Variants in UBAP1 observed in about 807,000 individuals in gnomAD.
UBAP1 encodes the protein ubiquitin associated protein 1, also known as ubiquitin-associated protein 1.
Under a neutral mutation model 39.0 loss-of-function variants are expected in UBAP1, and 5 were observed. The ratio of observed to expected loss-of-function variants is 0.13; its 90% confidence interval spans 0.07 to 0.27. The LOEUF (loss-of-function observed/expected upper bound fraction) is 0.27, where lower values mean the gene tolerates loss of function less well. Ranked by LOEUF, UBAP1 falls within the 10% of genes least tolerant of loss-of-function variation. UBAP1 has a pLI of 1.00. For missense variants in UBAP1, 490 were observed against 608.1 expected, an observed-to-expected ratio of 0.81 and a Z score of 2.04; for synonymous variants, 211 against 225.1, an observed-to-expected ratio of 0.94 and a Z score of 0.56.
rs1419110013 is a variant in UBAP1, at chr9:34,251,968, T to G, written c.*436T>G. The G allele has an allele frequency of 6.2e-6, 1 of 160,064 alleles. No individual in the cohort carries two copies. The highest frequency in any genetic ancestry group is 2.4e-5 in the African/African-American group (1 of 41,686). The allele number at this position is 160,064 out of a possible 1,614,324, so 9.9% of individuals were successfully genotyped here. A position where few individuals can be genotyped will look rare whatever the true frequency, so the allele number is the denominator to read the frequency against. ...CTGAGACTGGTGGACTGAACTCCAGTCAAGTTGAGTTCAAGTGAAAGATTC... is the reference window on the plus strand; with the variant it reads ...CTGAGACTGGTGGACTGAACTCCAGGCAAGTTGAGTTCAAGTGAAAGATTC... On this transcript the variant is annotated 3_prime_UTR_variant, in exon 7 of 7. Transcript: ENST00000297661.
intron 3 of UBAP1, among the ~76,000 whole-genome samples, chr9:34,239,003 A>G (rs1417501459): frequency 6.6e-6 from 1 of 152,240 alleles, no homozygotes; most frequent in Non-Finnish European, 1.5e-5. Context: ...TAAGAGCTCC[A>G]TTCCAATGTG....
intron 2 of UBAP1, chr9:34,224,516 A>G (rs756492536): frequency 3.5e-5 from 14 of 402,568 alleles, no homozygotes; most frequent in East Asian, 4.6e-5. Context: ...GCAGGGGCCA[A>G]TGTTGGTGTT....
chr9:34,192,706 C>G (rs950623538), intron 1 of UBAP1, among the ~76,000 whole-genome samples: 1 of 152,016 alleles, frequency 6.6e-6, no homozygotes, highest in East Asian at 1.9e-4. Flanking sequence ...TCCCAAAGTG[C>G]TGGGATTATA....
rs1007728786 is a variant in UBAP1 at position 34,221,057 on chromosome 9, C to T, written c.34+109C>T. On this transcript the variant is annotated intron_variant, in intron 2 of 6. Transcript: ENST00000297661. ...GCCCCTTTTTGTCTCTTTTAATGAA[C>T]AGCTTGACAAAAATAAAGTTGTACA... 1.2e-5 allele frequency: 11 copies of T among 926,616 alleles called. No individual in the cohort carries two copies. In the African/African-American group the frequency reaches 1.5e-4, roughly 13 times the overall value. The allele number at this position is 926,616 out of a possible 1,614,324, so 57.4% of individuals were successfully genotyped here.
intron 1 of UBAP1, among the ~76,000 whole-genome samples, chr9:34,210,492 GT>G (rs1351026166): frequency 6.6e-6 from 1 of 152,192 alleles, no homozygotes; most frequent in African/African-American, 2.4e-5. Flanking sequence ...GCCAAGATGG[GT>G]GGATCACCTG....
chr9:34,221,528 A>T (rs1285384673), intron 2 of UBAP1, among the ~76,000 whole-genome samples: 2 of 81,162 alleles, frequency 2.5e-5, no homozygotes, highest in African/African-American at 7.4e-5. Flanking sequence ...AGACTCCATT[A>T]AAAAAAAAAA....
chr9:34,209,941 T>C (rs1176462935), intron 1 of UBAP1, among the ~76,000 whole-genome samples: 1 of 152,194 alleles, frequency 6.6e-6, no homozygotes, highest in Non-Finnish European at 1.5e-5. Context: ...AAAAATATCT[T>C]ATCCTTATTT....
chr9:34,203,005 C>A (rs755128098), intron 1 of UBAP1, among the ~76,000 whole-genome samples: 7 of 152,022 alleles, frequency 4.6e-5, no homozygotes, highest in Non-Finnish European at 7.4e-5. Context: ...TCCTTAAGAT[C>A]TTTTTCAGTC....
chr9:34,230,884 A>G (rs536076828), intron 2 of UBAP1, among the ~76,000 whole-genome samples: 1 of 152,130 alleles, frequency 6.6e-6, no homozygotes, highest in Non-Finnish European at 1.5e-5. Flanking sequence ...TTTCATATTA[A>G]ATATAAGTTG....
intron 1 of UBAP1, among the ~76,000 whole-genome samples, chr9:34,182,573 A>G (rs916784209): frequency 2.0e-5 from 3 of 152,010 alleles, no homozygotes; most frequent in African/African-American, 7.2e-5. Flanking sequence ...GTAAATGCCA[A>G]TATTACAAGC....
chr9:34,190,636 T>TC (rs1018913163), intron 1 of UBAP1, among the ~76,000 whole-genome samples: 1 of 146,832 alleles, frequency 6.8e-6, no homozygotes, highest in African/African-American at 2.5e-5. Flanking sequence ...TTTCTTTCTT[T>TC]TTTTTTTTTT....
At chr9:34,227,367 T>C (rs1397932928) in intron 2 of UBAP1, among the ~76,000 whole-genome samples, 1 of 152,204 alleles carries the variant, frequency 6.6e-6, no homozygotes, top group Admixed American at 6.5e-5. Flanking sequence ...AAGATGGTGA[T>C]AACCAGTCAT....
intron 1 of UBAP1, among the ~76,000 whole-genome samples, chr9:34,218,754 CA>C (rs1832489460): frequency 6.6e-6 from 1 of 151,982 alleles, no homozygotes; most frequent in East Asian, 1.9e-4. Flanking sequence ...TCCAACATGG[CA>C]AAACCCCGTT....
At chr9:34,223,742 A>G (rs1317139674) in intron 2 of UBAP1, among the ~76,000 whole-genome samples, 1 of 152,204 alleles carries the variant, frequency 6.6e-6, no homozygotes, top group Non-Finnish European at 1.5e-5. Flanking sequence ...GGCGTGAGCC[A>G]CCGTGCCCGG....
At position 34,181,116 on chromosome 9, in the gene UBAP1, C is replaced by CTTTCTTTTTTTTTTTTTTT. The variant is rs1193356334; in HGVS notation, c.-8+1879_-8+1880insCTTTTTTTTTTTTTTTTTT. Among the ~76,000 whole-genome samples, 12 of 72,274 alleles carry CTTTCTTTTTTTTTTTTTTT rather than the reference C, an allele frequency of 1.7e-4. 3 individuals carry two copies. Among genetic ancestry groups the CTTTCTTTTTTTTTTTTTTT allele is most frequent in the African/African-American group, 2.1e-4 (4 of 18,978 alleles). The allele number at this position is 72,274 out of a possible 152,430, so 47.4% of individuals were successfully genotyped here. ...TGAGCCACCGCACCCGGCCTGTTTT[C>CTTTCTTTTTTTTTTTTTTT]TTTTTTTTTTTTTTTTTGAGACAGA... On this transcript the variant is annotated intron_variant, in intron 1 of 6. Coordinates refer to ENST00000297661, the MANE Select transcript of UBAP1 (RefSeq NM_016525.5).
chr9:34,223,905 TG>T (rs1214491604), intron 2 of UBAP1: 4 of 268,186 alleles, frequency 1.5e-5, no homozygotes, highest in East Asian at 7.0e-5. Flanking sequence ...TTTTTGTTTT[TG>T]TTTTTTTGTT....
intron 2 of UBAP1, among the ~76,000 whole-genome samples, chr9:34,227,274 G>C (rs1380680626): frequency 6.6e-6 from 1 of 151,950 alleles, no homozygotes; most frequent in Non-Finnish European, 1.5e-5. Flanking sequence ...TACCTGGCTT[G>C]TGGCTTTAAG....
chr9:34,249,195 G>A (rs759183183), intron 4 of UBAP1, among the ~76,000 whole-genome samples: 1 of 152,132 alleles, frequency 6.6e-6, no homozygotes, highest in Non-Finnish European at 1.5e-5. Context: ...AGTACATGAT[G>A]TAGGGCAAAG....
At chr9:34,192,175 A>G (rs929112546) in intron 1 of UBAP1, among the ~76,000 whole-genome samples, 6 of 150,714 alleles carry the variant, frequency 4.0e-5, no homozygotes, top group Non-Finnish European at 5.9e-5. Context: ...GTCTTTTGCT[A>G]TGAGAGCTTG....
Sources: gnomAD v4.1 joint callset for allele counts (sites outside exome capture counted in the v4.1 genomes callset) on GRCh38, gnomAD v4.1.1 for gene constraint, MANE v1.5 for transcripts, NCBI Gene and HGNC (gene_info 2026-07-23, HGNC 2026-07-21) for gene names.